The following PCBP3 variants were observed in gnomAD, a reference collection of about 807,000 sequenced individuals.
PCBP3 encodes poly(rC) binding protein 3.
A neutral mutation model predicts 52.7 loss-of-function variants in PCBP3; 25 were observed. The ratio of observed to expected loss-of-function variants is 0.47; its 90% CI spans 0.35 to 0.66. The LOEUF (loss-of-function observed/expected upper bound fraction) is 0.66, where lower values mean the gene tolerates loss of function less well. PCBP3 is among the 30% of genes least tolerant of loss of function. The pLI is 0.01. For missense variants in PCBP3, 391 were observed against 490.3 expected, an observed-to-expected ratio of 0.80 and a Z score of 1.91; for synonymous variants, 162 against 183.0, an observed-to-expected ratio of 0.89 and a Z score of 0.93.
At chr21:45,822,113 A>G (rs1020794621) in intron 4 of PCBP3, among the ~76,000 whole-genome samples, 2 of 152,198 alleles carry the variant, frequency 1.3e-5, no homozygotes, top group African/African-American at 4.8e-5. Context: ...ACTATCACCC[A>G]TAGCCTCCGG....
Position 45,705,423 on chromosome 21 carries a change from G to A in PCBP3, c.-199-29969G>A, listed in dbSNP as rs949872142. Among the ~76,000 whole-genome samples the A allele has an allele frequency of 3.9e-5, 6 of 152,188 alleles. No homozygotes were observed. The East Asian group carries it at 5.8e-4, about 15-fold the overall frequency. On this transcript the variant is annotated intron_variant, in intron 2 of 17. Transcript: ENST00000681687. ...GCTGGGACAAGCAGAGCCCCTCCTC[G>A]GCTGAAGATGTCCCCTGTGCACATA...
intron 4 of PCBP3, among the ~76,000 whole-genome samples, chr21:45,794,723 T>A (rs564354829): frequency 7.8e-4 from 118 of 151,610 alleles, no homozygotes; most frequent in South Asian, 2.9e-3. Flanking sequence ...AGGTTAGGAG[T>A]TCGAGACCAG....
chr21:45,828,430 C>G (rs2093361818), intron 4 of PCBP3: 1 of 152,238 alleles, frequency 6.6e-6, no homozygotes, highest in South Asian at 2.1e-4. Flanking sequence ...CCACTGCCCT[C>G]CCACCCCAGT....
chr21:45,892,808 C>T (rs1323094358), intron 5 of PCBP3, among the ~76,000 whole-genome samples: 5 of 152,338 alleles, frequency 3.3e-5, no homozygotes, highest in South Asian at 2.1e-4. Flanking sequence ...CCTCAGGGCA[C>T]CTTCACTCCA....
In PCBP3 at chr21:45,930,702, A is replaced by G; in HGVS notation, c.797-84A>G. ...GAGAGCGCCGGTGCGTGCGCCAGTC[A>G]TATTTTGAGCTTCCCTAGTTGAAGG... is the stretch of plus-strand genomic sequence containing the variant. On this transcript the variant is annotated intron_variant, in intron 14 of 17. Transcript: ENST00000681687. 4.2e-6 allele frequency: 3 copies of G among 708,552 alleles called. No individual in the cohort carries two copies. The South Asian group carries it at 4.7e-5, about 11-fold the overall frequency. The allele number at this position is 708,552 out of a possible 1,614,324, so 43.9% of individuals were successfully genotyped here. A position where few individuals can be genotyped will look rare whatever the true frequency, so the allele number is the denominator to read the frequency against.
At chr21:45,763,493 ACT>A (rs1445122187) in intron 4 of PCBP3, 1 of 152,216 alleles carries the variant, frequency 6.6e-6, no homozygotes, top group Non-Finnish European at 1.5e-5. Flanking sequence ...CTTCTCCTAA[ACT>A]CGGCGTAGAG....
chr21:45,896,696 C>T (rs985196532), intron 6 of PCBP3, among the ~76,000 whole-genome samples: 8 of 137,050 alleles, frequency 5.8e-5, no homozygotes, highest in African/African-American at 2.0e-4. Context: ...GAAAGGCGGC[C>T]GCGGCACATA....
chr21:45,891,976 C>A (rs1401729940), intron 5 of PCBP3, among the ~76,000 whole-genome samples: 2 of 152,206 alleles, frequency 1.3e-5, no homozygotes, highest in Non-Finnish European at 1.5e-5. Context: ...AGAGCACCAC[C>A]GGCCTAAAAT....
intron 7 of PCBP3, among the ~76,000 whole-genome samples, chr21:45,900,290 G>A (rs2149091671): frequency 6.6e-6 from 1 of 152,342 alleles, no homozygotes; most frequent in East Asian, 1.9e-4. Context: ...ACACTGCCAT[G>A]TGCCATGAGT....
intron 2 of PCBP3, among the ~76,000 whole-genome samples, chr21:45,700,222 A>G (rs1368073878): frequency 6.6e-6 from 1 of 152,228 alleles, no homozygotes; most frequent in African/African-American, 2.4e-5. Flanking sequence ...GATTACTAAT[A>G]TTCTGTGGTC....
chr21:45,695,598 T>G (rs746589806), intron 2 of PCBP3, among the ~76,000 whole-genome samples: 1 of 152,198 alleles, frequency 6.6e-6, no homozygotes, highest in Non-Finnish European at 1.5e-5. Flanking sequence ...CATTTGTTAT[T>G]CCTATATTCT....
intron 4 of PCBP3, among the ~76,000 whole-genome samples, chr21:45,804,075 G>A (rs898418677): frequency 3.3e-5 from 5 of 152,178 alleles, no homozygotes; most frequent in Non-Finnish European, 7.3e-5. Context: ...CTGTCTGCCT[G>A]GAACAGGAGG....
rs73378599 is a variant in PCBP3, at chr21:45,818,638, G to C, written c.-125-31323G>C. Among the ~76,000 whole-genome samples the C allele has an allele frequency of 4.9e-3, 741 of 152,336 alleles. 7 individuals carry two copies. Among genetic ancestry groups the C allele is most frequent in the African/African-American group, 0.016 (679 of 41,576 alleles). ...CAAACTAAAATCTCTCTAACCGTGAGATCTATTAGTCATGCTCCTTGGTAT... is the reference window on the plus strand; with the variant it reads ...CAAACTAAAATCTCTCTAACCGTGACATCTATTAGTCATGCTCCTTGGTAT... On this transcript the variant is annotated intron_variant, in intron 4 of 17. Coordinates refer to ENST00000681687, the MANE Select transcript of PCBP3 (RefSeq NM_001384156.1).
intron 9 of PCBP3, among the ~76,000 whole-genome samples, chr21:45,903,124 G>T (rs1429986260): frequency 1.3e-5 from 2 of 152,156 alleles, no homozygotes; most frequent in African/African-American, 4.8e-5. Context: ...GGCCAGCAGG[G>T]CCTGGTGACT....
At chr21:45,667,158 A>G (rs1603209009) in intron 1 of PCBP3, among the ~76,000 whole-genome samples, 1 of 124,708 alleles carries the variant, frequency 8.0e-6, no homozygotes, top group Middle Eastern at 5.0e-3. Context: ...TCTTTCTCTC[A>G]TTCATTCATT....
intron 5 of PCBP3, among the ~76,000 whole-genome samples, chr21:45,879,144 T>C (rs1279265196): frequency 2.0e-5 from 3 of 151,990 alleles, no homozygotes; most frequent in African/African-American, 7.2e-5. Flanking sequence ...CCACCACACC[T>C]GGCTAATTTT....
intron 4 of PCBP3, among the ~76,000 whole-genome samples, chr21:45,806,051 A>G (rs2092488090): frequency 6.6e-6 from 1 of 152,168 alleles, no homozygotes; most frequent in Non-Finnish European, 1.5e-5. Context: ...TTTTTTCTTC[A>G]GCTTCTGAGT....
intron 4 of PCBP3, among the ~76,000 whole-genome samples, chr21:45,792,213 T>G (rs1376140714): frequency 1.3e-5 from 2 of 152,310 alleles, no homozygotes; most frequent in African/African-American, 2.4e-5. Context: ...TATTTGAAAG[T>G]GGGAGAAACA....
rs139678018 is a variant in PCBP3 at position 45,650,115 on chromosome 21, G to A, written c.-279+6247G>A. Among the ~76,000 whole-genome samples, 35 of 151,650 alleles carry A rather than the reference G, an allele frequency of 2.3e-4. 1 individual carries two copies. In the East Asian group the frequency reaches 6.6e-3, roughly 29 times the overall value. ...GCTGAGGCTGGAGGATCATTTGAGC[G>A]CAGGAGTTCAAAACCAGACTGGGAA... On this transcript the variant is annotated intron_variant, in intron 1 of 17. Transcript: ENST00000681687.
Sources: gnomAD v4.1 joint callset for allele counts (sites outside exome capture counted in the v4.1 genomes callset) on GRCh38, gnomAD v4.1.1 for gene constraint, MANE v1.5 for transcripts, NCBI Gene and HGNC (gene_info 2026-07-23, HGNC 2026-07-21) for gene names.